ANGPT2: variants seen among roughly 807,000 people sequenced by gnomAD.
The protein encoded by ANGPT2 is angiopoietin 2.
ANGPT2 carries 28 observed loss-of-function variants against 62.9 expected under a neutral mutation model. The ratio of observed to expected loss-of-function variants is 0.44; its 90% CI spans 0.33 to 0.61. The LOEUF (loss-of-function observed/expected upper bound fraction) is 0.61. Ranked by LOEUF, ANGPT2 falls within the 20% of genes least tolerant of loss-of-function variation. The pLI is 0.03. For synonymous variants in ANGPT2, 284 were observed against 207.8 expected, an observed-to-expected ratio of 1.37 and a Z score of -3.15; for missense variants, 727 against 594.9, an observed-to-expected ratio of 1.22 and a Z score of -2.31.
At chr8:6,559,287 G>T (rs1430563597) in intron 1 of ANGPT2, among the ~76,000 whole-genome samples, 1 of 150,648 alleles carries the variant, frequency 6.6e-6, no homozygotes, top group East Asian at 2.0e-4. Flanking sequence ...GCAGGGTGGG[G>T]CTAGCGGGCT....
chr8:6,546,240 A>T (rs1188908169), intron 1 of ANGPT2, among the ~76,000 whole-genome samples: 1 of 152,238 alleles, frequency 6.6e-6, no homozygotes, highest in Non-Finnish European at 1.5e-5. Flanking sequence ...GGAGTAAGGG[A>T]GACAGTCTGA....
rs193176661 is a variant in ANGPT2 at position 6,512,497 on chromosome 8, A to G, written c.1196+1181T>C. Among the ~76,000 whole-genome samples, 64 of 152,296 alleles carry G rather than the reference A, an allele frequency of 4.2e-4. 1 individual carries two copies. The highest frequency in any genetic ancestry group is 7.3e-4 in the Non-Finnish European group (50 of 68,032). On this transcript the variant is annotated intron_variant, in intron 7 of 8. Transcript: ENST00000629816. Reference sequence around the variant, plus strand: ...TCTGACCTCAAAGTGGGTATTTCATAATGTGTGCTCCATGATCACGAGGCG... The same window carrying G: ...TCTGACCTCAAAGTGGGTATTTCATGATGTGTGCTCCATGATCACGAGGCG...
intron 8 of ANGPT2, chr8:6,508,354 A>G (rs376985021): frequency 6.5e-6 from 1 of 153,782 alleles, no homozygotes; most frequent in East Asian, 1.9e-4. Flanking sequence ...AGGCTGAGGC[A>G]GGAGAATCGC....
chr8:6,535,867 G>A (rs1455567440), intron 1 of ANGPT2, among the ~76,000 whole-genome samples: 1 of 150,680 alleles, frequency 6.6e-6, no homozygotes, highest in Non-Finnish European at 1.5e-5. Context: ...GAGTAACATG[G>A]TGAAACCCAT....
At chr8:6,555,211 G>A (rs2515502) in intron 1 of ANGPT2, among the ~76,000 whole-genome samples, 151,362 of 152,242 alleles carry the variant, frequency 0.99, 75,249 homozygotes, top group Middle Eastern at 1. Context: ...TGGTGATCCA[G>A]TCTGTAGAAT....
chr8:6,503,359 G>C, intron 8 of ANGPT2, 98 bp from the exon 9 acceptor site: 1 of 1,286,990 alleles, frequency 7.8e-7, no homozygotes, highest in Non-Finnish European at 1.1e-6. Flanking sequence ...CACACTGCAG[G>C]CGTGTGGAGT....
chr8:6,505,745 T>C (rs933058330), intron 8 of ANGPT2, among the ~76,000 whole-genome samples: 3 of 133,894 alleles, frequency 2.2e-5, no homozygotes, highest in African/African-American at 8.2e-5. Context: ...ATATATTCTT[T>C]ATATATACGT....
At chr8:6,526,257 TA>T (rs35519559) in intron 3 of ANGPT2, among the ~76,000 whole-genome samples, 15,175 of 76,560 alleles carry the variant, frequency 0.2, 1,255 homozygotes, top group Middle Eastern at 0.3. Context: ...TTGCCTCTAC[TA>T]AAAAAAAAAA....
chr8:6,514,879 G>T, intron 5 of ANGPT2, 101 bp from the exon 6 acceptor site: 1 of 952,484 alleles, frequency 1.0e-6, no homozygotes, highest in Non-Finnish European at 1.6e-6. Context: ...GGACTCAGCC[G>T]AGAGGGTTCT....
intron 5 of ANGPT2, among the ~76,000 whole-genome samples, chr8:6,517,523 G>C (rs2515435): frequency 0.41 from 61,763 of 152,076 alleles, 12,803 homozygotes; most frequent in Middle Eastern, 0.52. Flanking sequence ...AGGAAAAGAT[G>C]TGCTCAAAGA....
rs567991592 is a variant in ANGPT2 at position 6,525,291 on chromosome 8, G to A, written c.566+2264C>T. On this transcript the variant is annotated intron_variant, in intron 3 of 8. Transcript: ENST00000629816. ...TGTAATTTTGGAGAGATGGGGGTCTGTCTTTGTTGCCCAGGTTGGTATCAA... is the reference window on the plus strand; with the variant it reads ...TGTAATTTTGGAGAGATGGGGGTCTATCTTTGTTGCCCAGGTTGGTATCAA... 5.3e-5 allele frequency among the ~76,000 whole-genome samples: 8 copies of A among 152,288 alleles called. No individual in the cohort carries two copies. In the South Asian group the frequency reaches 1.7e-3, roughly 32 times the overall value.
At chr8:6,518,822 A>G (rs1358429613) in intron 5 of ANGPT2, among the ~76,000 whole-genome samples, 5 of 152,244 alleles carry the variant, frequency 3.3e-5, no homozygotes, top group African/African-American at 1.2e-4. Flanking sequence ...CAGTAGTTAC[A>G]TAACACTTCA....
chr8:6,507,278 C>T (rs1813939706), intron 8 of ANGPT2, among the ~76,000 whole-genome samples: 1 of 152,192 alleles, frequency 6.6e-6, no homozygotes, highest in South Asian at 2.1e-4. Context: ...ATTTATAAAA[C>T]ATGTTGACCA....
chr8:6,540,604 G>A (rs961333827), intron 1 of ANGPT2, among the ~76,000 whole-genome samples: 3 of 152,248 alleles, frequency 2.0e-5, no homozygotes, highest in South Asian at 2.1e-4. Flanking sequence ...GGCCACGTCT[G>A]CATATATAGA....
chr8:6,504,677 C>T (rs562812355), intron 8 of ANGPT2, among the ~76,000 whole-genome samples: 4 of 152,200 alleles, frequency 2.6e-5, no homozygotes, highest in African/African-American at 7.2e-5. Context: ...AGAAAAAAAT[C>T]GTACACTAAG....
At chr8:6,514,436 G>A (rs967127647) in intron 6 of ANGPT2, among the ~76,000 whole-genome samples, 1 of 152,092 alleles carries the variant, frequency 6.6e-6, no homozygotes, top group Non-Finnish European at 1.5e-5. Flanking sequence ...TAATCCATCT[G>A]CCTCGGCCTC....
intron 1 of ANGPT2, among the ~76,000 whole-genome samples, chr8:6,545,087 A>T (rs1360595124): frequency 6.6e-6 from 1 of 152,094 alleles, no homozygotes; most frequent in Non-Finnish European, 1.5e-5. Flanking sequence ...ACACCCTAGG[A>T]GTGCTTACTA....
rs1815712303 is a variant in ANGPT2, at chr8:6,513,931, A to C, written c.1030-87T>G. On this transcript the variant is annotated intron_variant, in intron 6 of 8. Transcript: ENST00000629816. ...GGATAGTCCGTCAACTTAACATAGA[A>C]TAACTATCAAATAGCAGAAATTCCT... The C allele has an allele frequency of 2.4e-6, 3 of 1,242,294 alleles. No individual in the cohort carries two copies. The Admixed American group carries it at 7.1e-5, about 29-fold the overall frequency. 77.0% of individuals were successfully genotyped at this position (1,242,294 alleles called of 1,614,324 possible).
intron 1 of ANGPT2, among the ~76,000 whole-genome samples, chr8:6,550,382 A>G (rs961122666): frequency 2.0e-5 from 3 of 152,166 alleles, no homozygotes; most frequent in African/African-American, 7.2e-5. Flanking sequence ...GTAGGGCTGC[A>G]CCCAGACACG....
Sources: allele counts gnomAD v4.1 joint callset (sites outside exome capture counted in the v4.1 genomes callset), GRCh38; gene constraint gnomAD v4.1.1; transcripts MANE v1.5; gene names NCBI Gene and HGNC (gene_info 2026-07-23, HGNC 2026-07-21).